Variants in DLGAP2 observed in about 807,000 individuals in gnomAD.
DLGAP2 encodes disks large-associated protein 2.
Under a neutral mutation model 100.3 loss-of-function variants are expected in DLGAP2, and 26 were observed. The ratio of observed to expected loss-of-function variants is 0.26; its 90% confidence interval spans 0.19 to 0.36. The LOEUF (loss-of-function observed/expected upper bound fraction) is 0.36, where lower values mean the gene tolerates loss of function less well. DLGAP2 is among the 10% of genes least tolerant of loss of function. The probability of loss-of-function intolerance (pLI) is 1.00; values close to 1 mark genes in which losing one functional copy is unlikely to be tolerated. For missense variants in DLGAP2, 1,858 were observed against 1,453.2 expected (o/e 1.28, Z -4.53); for synonymous variants, 886 against 630.1 (o/e 1.41, Z -6.08).
chr8:973,905 C>T (rs1467738979), intron 2 of DLGAP2, among the ~76,000 whole-genome samples: 3 of 150,884 alleles, frequency 2.0e-5, no homozygotes, highest in South Asian at 2.1e-4. Context: ...CCGCCGCCAC[C>T]GCCACCGCCG....
chr8:1,354,336 T>G (rs1801800373), intron 3 of DLGAP2, among the ~76,000 whole-genome samples: 1 of 152,028 alleles, frequency 6.6e-6, no homozygotes. Context: ...CAAAACCCCA[T>G]CTCTTCTAAA....
chr8:1,317,696 G>A, intron 3 of DLGAP2, among the ~76,000 whole-genome samples: 1 of 114,292 alleles, frequency 8.7e-6, no homozygotes, highest in East Asian at 2.6e-4. Flanking sequence ...CTCCAACAGT[G>A]GTCTACACTC....
chr8:1,304,592 G>C, intron 3 of DLGAP2, among the ~76,000 whole-genome samples: 1 of 152,198 alleles, frequency 6.6e-6, no homozygotes, highest in East Asian at 1.9e-4. Flanking sequence ...GAAAAAAGAT[G>C]AGTACAATTG....
At chr8:800,210 G>A (rs1253399980) in intron 1 of DLGAP2, among the ~76,000 whole-genome samples, 1 of 152,212 alleles carries the variant, frequency 6.6e-6, no homozygotes, top group African/African-American at 2.4e-5. Flanking sequence ...AGGCCTGCGT[G>A]AGGACTTTGT....
At chr8:1,697,426 C>T (rs1211830071) in intron 14 of DLGAP2, 127 bp downstream of exon 14, 14 of 1,352,354 alleles carry the variant, frequency 1.0e-5, no homozygotes, top group East Asian at 2.4e-5. Context: ...GCAAATTTCC[C>T]TCTATGTATG....
At chr8:953,391 G>A (rs1395556085) in intron 2 of DLGAP2, among the ~76,000 whole-genome samples, 1 of 151,924 alleles carries the variant, frequency 6.6e-6, no homozygotes, top group East Asian at 1.9e-4. Context: ...ACGGGATTTC[G>A]CCATGTTGGC....
In DLGAP2 at chr8:773,110, C is replaced by T. The variant is rs530990441; in HGVS notation, c.18+35285C>T. 2.0e-5 allele frequency among the ~76,000 whole-genome samples: 3 copies of T among 152,262 alleles called. No individual in the cohort carries two copies. In the South Asian group the frequency reaches 6.2e-4, roughly 32 times the overall value. ...TAACCAAGCCCTGGAGCCTGGGAGGCCTGAACAGCAGAAACTCATCTTCTC... is the reference window on the plus strand; with the variant it reads ...TAACCAAGCCCTGGAGCCTGGGAGGTCTGAACAGCAGAAACTCATCTTCTC... On this transcript the variant is annotated intron_variant, in intron 1 of 14. Transcript: ENST00000637795.
At chr8:1,690,539 T>C (rs574589686) in intron 12 of DLGAP2, among the ~76,000 whole-genome samples, 15 of 148,706 alleles carry the variant, frequency 1.0e-4, no homozygotes, top group African/African-American at 3.2e-4. Flanking sequence ...ACCCCATCTA[T>C]ACTAAAAATA....
chr8:1,466,377 C>A (rs924951563), intron 3 of DLGAP2, among the ~76,000 whole-genome samples: 55 of 152,140 alleles, frequency 3.6e-4, no homozygotes, highest in African/African-American at 1.2e-3. Context: ...CATTTCCCCC[C>A]TCCCTTTTCC....
chr8:1,045,204 A>C (rs1468013689), intron 2 of DLGAP2, among the ~76,000 whole-genome samples: 1 of 152,160 alleles, frequency 6.6e-6, no homozygotes, highest in Admixed American at 6.5e-5. Context: ...AATTCACCAA[A>C]ATTCTCTGCA....
chr8:1,036,778 T>C (rs577978191), intron 2 of DLGAP2, among the ~76,000 whole-genome samples: 2 of 152,242 alleles, frequency 1.3e-5, no homozygotes, highest in East Asian at 3.9e-4. Flanking sequence ...GGCTGGGAAT[T>C]GCCGTCACTA....
chr8:1,382,252 A>G (rs1051291222), intron 3 of DLGAP2, among the ~76,000 whole-genome samples: 5 of 152,228 alleles, frequency 3.3e-5, no homozygotes, highest in African/African-American at 4.8e-5. Flanking sequence ...TGTACTGTTT[A>G]TTAAATGGAA....
intron 2 of DLGAP2, among the ~76,000 whole-genome samples, chr8:1,135,847 G>C (rs1796399073): frequency 6.6e-6 from 1 of 152,206 alleles, no homozygotes; most frequent in Non-Finnish European, 1.5e-5. Flanking sequence ...TCTCTGCTGA[G>C]CACGGGGGAT....
chr8:1,546,831 G>A (rs531040241), intron 4 of DLGAP2, among the ~76,000 whole-genome samples: 74 of 152,254 alleles, frequency 4.9e-4, no homozygotes, highest in African/African-American at 1.7e-3. Flanking sequence ...TTATGGTGAC[G>A]GGAGAGCTGG....
At chr8:1,515,852 T>C (rs990901089) in intron 4 of DLGAP2, among the ~76,000 whole-genome samples, 1 of 152,252 alleles carries the variant, frequency 6.6e-6, no homozygotes, top group Non-Finnish European at 1.5e-5. Flanking sequence ...ATGGACTCTT[T>C]AATTCCTTTC....
intron 2 of DLGAP2, among the ~76,000 whole-genome samples, chr8:1,101,705 T>C (rs1320828595): frequency 6.8e-6 from 1 of 147,088 alleles, no homozygotes; most frequent in African/African-American, 2.5e-5. Context: ...AAGGTCCTCG[T>C]CACCCCGGAG....
At chr8:819,509 A>G (rs1796546189) in intron 1 of DLGAP2, among the ~76,000 whole-genome samples, 1 of 152,198 alleles carries the variant, frequency 6.6e-6, no homozygotes. Context: ...TCTTGGGAAA[A>G]TATATGAGAA....
chr8:1,234,733 C>G (rs1054468511), intron 2 of DLGAP2, among the ~76,000 whole-genome samples: 1 of 152,202 alleles, frequency 6.6e-6, no homozygotes, highest in African/African-American at 2.4e-5. Flanking sequence ...ACGTCACACC[C>G]TTTCTGGGAA....
chr8:1,175,490 G>T (rs1437778911), intron 2 of DLGAP2, among the ~76,000 whole-genome samples: 1 of 152,198 alleles, frequency 6.6e-6, no homozygotes, highest in Middle Eastern at 3.4e-3. Context: ...TATGTACTTG[G>T]GCTAATAAAA....
Sources: gnomAD v4.1 joint callset for allele counts (sites outside exome capture counted in the v4.1 genomes callset) on GRCh38, gnomAD v4.1.1 for gene constraint, MANE v1.5 for transcripts, NCBI Gene and HGNC (gene_info 2026-07-23, HGNC 2026-07-21) for gene names.